The following ADGRL4 variants were observed in gnomAD, a reference collection of about 807,000 sequenced individuals.
ADGRL4 encodes adhesion G protein-coupled receptor L4, also known as EGF, latrophilin and seven transmembrane domain containing 1.
ADGRL4 carries 90 observed loss-of-function variants against 74.8 expected under a neutral mutation model. The observed-to-expected ratio is 1.20, with a 90% CI of 1.02 to 1.43. The LOEUF is 1.43. Ranked by LOEUF, ADGRL4 falls within the 40% of genes most tolerant of loss-of-function variation. ADGRL4 has a pLI of 0.00. For synonymous variants in ADGRL4, 311 were observed against 279.2 expected (o/e 1.11, Z -1.14); for missense variants, 881 against 814.3 (o/e 1.08, Z -1.00).
intron 12 of ADGRL4, among the ~76,000 whole-genome samples, chr1:78,900,339 C>G (rs1032450332): frequency 1.3e-5 from 2 of 152,140 alleles, no homozygotes; most frequent in African/African-American, 4.8e-5. Flanking sequence ...AGCAGAAAAA[C>G]CAGATGCGTC....
chr1:78,923,759 T>C (rs1371051518), intron 8 of ADGRL4, among the ~76,000 whole-genome samples: 1 of 151,308 alleles, frequency 6.6e-6, no homozygotes, highest in East Asian at 1.9e-4. Flanking sequence ...AAATAAAGTA[T>C]AAAGTAAAAA....
intron 2 of ADGRL4, 91 bp from the exon 3 acceptor site, chr1:78,946,517 G>A: frequency 1.8e-6 from 2 of 1,083,384 alleles, no homozygotes; most frequent in Non-Finnish European, 2.6e-6. Context: ...TTGACTGTTA[G>A]ATAGTTTAAG....
At chr1:78,925,578 G>T (rs548750101) in intron 8 of ADGRL4, among the ~76,000 whole-genome samples, 2 of 151,924 alleles carry the variant, frequency 1.3e-5, no homozygotes, top group African/African-American at 4.8e-5. Context: ...AAATGGGAGC[G>T]AAATTTCATT....
At chr1:78,912,447 A>G (rs907756422) in intron 12 of ADGRL4, among the ~76,000 whole-genome samples, 4 of 151,818 alleles carry the variant, frequency 2.6e-5, no homozygotes, top group Non-Finnish European at 1.5e-5. Context: ...ATCCTGTCAA[A>G]TCATCAGCAG....
chr1:78,891,904 G>A (rs181805030), intron 13 of ADGRL4, among the ~76,000 whole-genome samples: 32 of 152,246 alleles, frequency 2.1e-4, no homozygotes, highest in Admixed American at 7.2e-4. Flanking sequence ...TGGCAGGGGT[G>A]TGCTTCCAAA....
intron 2 of ADGRL4, among the ~76,000 whole-genome samples, chr1:78,967,455 T>C (rs1650079789): frequency 6.6e-6 from 1 of 152,190 alleles, no homozygotes; most frequent in African/African-American, 2.4e-5. Context: ...TAATGTGTAA[T>C]TGAAACTACT....
chr1:78,891,151 T>G lies in ADGRL4; in HGVS notation c.*3A>C. On this transcript the variant is annotated 3_prime_UTR_variant, in exon 15 of 15. Transcript: ENST00000370742. ...AGTTGTAATTATCCACCATTCTCTATGTTTACCTTAAACATCCAAAACAAC... is the reference window on the plus strand; with the variant it reads ...AGTTGTAATTATCCACCATTCTCTAGGTTTACCTTAAACATCCAAAACAAC... 1 of 1,611,690 alleles carries G rather than the reference T, an allele frequency of 6.2e-7. No individual in the cohort carries two copies. The highest frequency in any genetic ancestry group is 1.1e-5 in the South Asian group (1 of 90,888).
chr1:78,930,281 C>A (rs1187208092), intron 7 of ADGRL4, among the ~76,000 whole-genome samples: 1 of 148,058 alleles, frequency 6.8e-6, no homozygotes, highest in East Asian at 2.1e-4. Flanking sequence ...AAAAATTTTA[C>A]AATTCCTATT....
rs538222755 is a variant in ADGRL4 at position 78,893,014 on chromosome 1, TC to T, written c.1841+83del. 717 of 763,372 alleles carry T rather than the reference TC, an allele frequency of 9.4e-4. 6 individuals are homozygous for T. In the African/African-American group the frequency reaches 0.012, roughly 12 times the overall value. 47.3% of individuals were successfully genotyped at this position (763,372 alleles called of 1,614,324 possible). ...TATGAAACAATCATTTAAAAATAAT[TC>T]CCCAAATTATTTGTACTTTGAGTTA... On this transcript the variant is annotated intron_variant, in intron 13 of 14. Transcript: ENST00000370742.
chr1:78,970,078 C>T lies in ADGRL4; in HGVS notation c.173-23652G>A, dbSNP rs1312336344. On this transcript the variant is annotated intron_variant, in intron 2 of 14. Coordinates refer to ENST00000370742, the MANE Select transcript of ADGRL4 (RefSeq NM_022159.4). Reference sequence around the variant, plus strand: ...AAGCGTAACTGCAGCTACCAGTTATCTGGGTGTGTCACAAGACATCCTTTT... The same window carrying T: ...AAGCGTAACTGCAGCTACCAGTTATTTGGGTGTGTCACAAGACATCCTTTT... Among the ~76,000 whole-genome samples the T allele has an allele frequency of 2.6e-5, 4 of 152,192 alleles. No homozygotes were observed. In the East Asian group the frequency reaches 5.8e-4, roughly 22 times the overall value.
At chr1:78,983,599 A>G (rs947048725) in intron 2 of ADGRL4, among the ~76,000 whole-genome samples, 6 of 151,916 alleles carry the variant, frequency 3.9e-5, no homozygotes, top group African/African-American at 1.4e-4. Flanking sequence ...TAAGAAACAT[A>G]TAACAGAAAG....
chr1:78,923,535 A>AG (rs1265457107), intron 8 of ADGRL4, among the ~76,000 whole-genome samples: 12 of 152,114 alleles, frequency 7.9e-5, no homozygotes, highest in Admixed American at 7.9e-4. Context: ...ATGAACCCCC[A>AG]GACATCTGAG....
intron 2 of ADGRL4, among the ~76,000 whole-genome samples, chr1:78,986,240 G>GA (rs112548479): frequency 1.5e-4 from 22 of 151,278 alleles, no homozygotes; most frequent in South Asian, 1.0e-3. Context: ...TTTGCCTTTT[G>GA]AAAAAAAATG....
intron 2 of ADGRL4, 104 bp from the exon 3 acceptor site, chr1:78,946,530 A>T: frequency 1.1e-6 from 1 of 937,362 alleles, no homozygotes. Flanking sequence ...AGTTTAAGGT[A>T]TGTGATGTTT....
At chr1:79,004,698 T>C (rs933907761) in intron 2 of ADGRL4, among the ~76,000 whole-genome samples, 3 of 152,124 alleles carry the variant, frequency 2.0e-5, no homozygotes, top group Non-Finnish European at 2.9e-5. Context: ...GGTATAAAAA[T>C]ACTTATATAC....
rs771241429 is a variant in ADGRL4 at position 78,999,830 on chromosome 1, AT to A, written c.172+5239del. Among the ~76,000 whole-genome samples the A allele has an allele frequency of 9.7e-3, 1,463 of 150,436 alleles. 11 individuals are homozygous for A. The highest frequency in any genetic ancestry group is 0.017 in the African/African-American group (682 of 40,690). ...TATCTATCTATCTATCTATCTATCT[AT>A]CTATCTATCTACCTACCTACCTACC... On this transcript the variant is annotated intron_variant, in intron 2 of 14. Transcript: ENST00000370742.
chr1:78,926,743 T>A (rs56828724), intron 8 of ADGRL4, 143 bp downstream of exon 8: 1 of 586,908 alleles, frequency 1.7e-6, no homozygotes, highest in Non-Finnish European at 2.9e-6. Flanking sequence ...TATACAAAAA[T>A]TAGTTAAAAC....
intron 2 of ADGRL4, among the ~76,000 whole-genome samples, chr1:78,977,268 CTT>C (rs986447648): frequency 4.1e-4 from 62 of 151,866 alleles, no homozygotes; most frequent in Admixed American, 1.1e-3. Flanking sequence ...TAGAAGGAAA[CTT>C]TACCAAAGGA....
At chr1:78,931,122 C>T (rs1649233042) in intron 7 of ADGRL4, among the ~76,000 whole-genome samples, 1 of 151,146 alleles carries the variant, frequency 6.6e-6, no homozygotes, top group Admixed American at 6.6e-5. Context: ...AACCCCAAGA[C>T]ACATAAACAG....
Sources: gnomAD v4.1 joint callset for allele counts (sites outside exome capture counted in the v4.1 genomes callset) on GRCh38, gnomAD v4.1.1 for gene constraint, MANE v1.5 for transcripts, NCBI Gene and HGNC (gene_info 2026-07-23, HGNC 2026-07-21) for gene names.